Variants in TAF1D observed in about 807,000 individuals in gnomAD.
TAF1D encodes the protein TATA box-binding protein-associated factor RNA polymerase I subunit D.
A neutral mutation model predicts 26.2 loss-of-function variants in TAF1D; 23 were observed. That is an observed-to-expected ratio of 0.88 (90% CI 0.63 to 1.25). TAF1D has a LOEUF of 1.25. Among genes scored for constraint, TAF1D ranks in the 50% most tolerant of loss-of-function variants. TAF1D has a pLI of 0.00. For synonymous variants in TAF1D, 100 were observed against 105.6 expected (o/e 0.95, Z 0.33); for missense variants, 299 against 322.0 (o/e 0.93, Z 0.55).
downstream of TAF1D, chr11:93,731,846 C>A (rs1159264563): frequency 2.8e-6 from 1 of 355,328 alleles, no homozygotes; most frequent in Non-Finnish European, 5.5e-6. Flanking sequence ...GACACCTGAT[C>A]CAAGACACAG....
chr11:93,732,908 C>T (rs1013227340), downstream of TAF1D: 5 of 232,208 alleles, frequency 2.2e-5, no homozygotes, highest in South Asian at 1.0e-4. Context: ...CAGGTAGTTT[C>T]GTTTGGTAGG....
downstream of TAF1D, chr11:93,731,414 C>A (rs186627170): frequency 1.2e-5 from 6 of 481,046 alleles, no homozygotes; most frequent in Non-Finnish European, 2.1e-5. Flanking sequence ...CATTCATATC[C>A]GAATTTGCTC....
exon 12 of TAF1D, chr11:93,730,242 GAAA>G: frequency 6.4e-7 from 1 of 1,550,990 alleles, no homozygotes; most frequent in African/African-American, 1.4e-5. Flanking sequence ...AAACACTAGA[GAAA>G]CTTCGAGCCA....
chr11:93,736,067 A>G lies in TAF1D; in HGVS notation c.*94T>C. ...AAGTTCTGGGTTTCAGAATTTCTTC[A>G]CCACCAGACTGGTACATATATCCAC... On this transcript the variant is annotated 3_prime_UTR_variant, in exon 6 of 6. Transcript: ENST00000448108. The G allele has an allele frequency of 6.6e-7, 1 of 1,504,042 alleles. No homozygotes were observed. The highest frequency in any genetic ancestry group is 8.8e-7 in the Non-Finnish European group (1 of 1,134,766). The allele number at this position is 1,504,042 out of a possible 1,614,324, so 93.2% of individuals were successfully genotyped here. A position where few individuals can be genotyped will look rare whatever the true frequency, so the allele number is the denominator to read the frequency against.
intron 2 of TAF1D, 65 bp downstream of exon 2, chr11:93,739,172 G>T: frequency 7.9e-7 from 1 of 1,270,768 alleles, no homozygotes. Flanking sequence ...TATCTTTACT[G>T]TCACTCATTA....
chr11:93,731,975 C>A (rs765093256), downstream of TAF1D: 1 of 500,134 alleles, frequency 2.0e-6, no homozygotes, highest in Non-Finnish European at 4.0e-6. Flanking sequence ...CAACATTTTT[C>A]TCCTACATTT....
chr11:93,740,559 T>A (rs1941762735), intron 1 of TAF1D, among the ~76,000 whole-genome samples: 1 of 151,784 alleles, frequency 6.6e-6, no homozygotes, highest in South Asian at 2.1e-4. Context: ...TCTTGGGACC[T>A]GACATGAGTC....
exon 12 of TAF1D, chr11:93,730,459 A>C: frequency 1.3e-6 from 1 of 749,046 alleles, no homozygotes. Context: ...TGAAGAAGAG[A>C]AATTTTGATT....
chr11:93,732,525 A>T (rs749573144), downstream of TAF1D: 2 of 465,754 alleles, frequency 4.3e-6, no homozygotes, highest in East Asian at 1.1e-4. Context: ...TACAACTCGT[A>T]TTCCCAAATT....
At chr11:93,731,020 G>A (rs764473270), downstream of TAF1D, 33 of 518,830 alleles carry the variant, frequency 6.4e-5, no homozygotes, top group Non-Finnish European at 8.9e-5. Context: ...GTAGCAGATA[G>A]AAAACCTACT....
intron 5 of TAF1D, 21 bp downstream of exon 5, chr11:93,736,673 G>C: frequency 6.2e-7 from 1 of 1,607,708 alleles, no homozygotes; most frequent in Non-Finnish European, 8.5e-7. Flanking sequence ...AAATGGAATA[G>C]GAAAAAAATA....
Position 93,736,210 on chromosome 11 carries a change from T to C in TAF1D, c.788A>G (p.Lys263Arg), listed in dbSNP as rs1940716451. Residue 263 changes from lysine to arginine, a missense_variant, in exon 6 of 6, where the codon AAG becomes AGG. By Grantham distance (26) the Lys-to-Arg change is conservative. Coordinates refer to ENST00000448108, the MANE Select transcript of TAF1D (RefSeq NM_024116.4). Reference sequence around the variant, plus strand: ...AGTATTTTTGGCTTTTGTAGCTCTCTTTTTAGACAAAGCAGCTTCTTCAGT... The same window carrying C: ...AGTATTTTTGGCTTTTGTAGCTCTCCTTTTAGACAAAGCAGCTTCTTCAGT... ...DITEEAALSK[K>R]RATKAKNTGQ... The C allele has an allele frequency of 1.9e-6, 3 of 1,613,576 alleles. No individual in the cohort carries two copies.
chr11:93,733,358 T>C, downstream of TAF1D: 1 of 519,026 alleles, frequency 1.9e-6, no homozygotes, highest in Non-Finnish European at 3.8e-6. Context: ...ACCTAAGCGA[T>C]CACTCAAGAA....
At chr11:93,737,973 G>A (rs991186904) in intron 3 of TAF1D, 136 bp downstream of exon 3, 8 of 907,676 alleles carry the variant, frequency 8.8e-6, no homozygotes, top group African/African-American at 1.7e-5. Flanking sequence ...GGACTTTAGG[G>A]GTAAGTCAGT....
chr11:93,732,296 A>G (rs892993545), downstream of TAF1D: 6 of 495,692 alleles, frequency 1.2e-5, no homozygotes, highest in Non-Finnish European at 2.4e-5. Flanking sequence ...GACACCCTGG[A>G]AAAAAAAGCA....
At chr11:93,736,336 A>G (rs773726521) in intron 5 of TAF1D, 32 bp from the exon 6 acceptor site, 1 of 1,577,086 alleles carries the variant, frequency 6.3e-7, no homozygotes, top group African/African-American at 1.4e-5. Flanking sequence ...TCATGGATTA[A>G]GCAATAACTC....
downstream of TAF1D, chr11:93,733,660 C>T (rs530610258): frequency 3.3e-5 from 16 of 483,810 alleles, no homozygotes; most frequent in Admixed American, 1.8e-4. Flanking sequence ...TTTTAAAAAT[C>T]GTGTGATTCT....
rs1940669591 is a variant in TAF1D at position 93,735,888 on chromosome 11, C to A, written c.*273G>T. ...CATTGTTTCAATACTCACAGGACACCTGTAAGCTCTTATTCAGAAATCAAA... is the reference window on the plus strand; with the variant it reads ...CATTGTTTCAATACTCACAGGACACATGTAAGCTCTTATTCAGAAATCAAA... On this transcript the variant is annotated 3_prime_UTR_variant, in exon 6 of 6. Coordinates refer to ENST00000448108, the MANE Select transcript of TAF1D (RefSeq NM_024116.4). 1 of 1,203,250 alleles carries A rather than the reference C, an allele frequency of 8.3e-7. No homozygotes were observed. Among genetic ancestry groups the A allele is most frequent in the Non-Finnish European group, 1.0e-6 (1 of 966,654 alleles). 74.5% of individuals were successfully genotyped at this position (1,203,250 alleles called of 1,614,324 possible).
downstream of TAF1D, chr11:93,732,218 G>C (rs1458302089): frequency 2.3e-5 from 11 of 481,566 alleles, no homozygotes; most frequent in African/African-American, 3.9e-5. Context: ...GAAACAAGCA[G>C]AATCAATAGA....
Sources: allele counts gnomAD v4.1 joint callset (sites outside exome capture counted in the v4.1 genomes callset), GRCh38; gene constraint gnomAD v4.1.1; transcripts MANE v1.5; gene names NCBI Gene and HGNC (gene_info 2026-07-23, HGNC 2026-07-21).